PPFIBP2: variants seen among roughly 807,000 people sequenced by gnomAD.
PPFIBP2 encodes the protein liprin-beta-2.
In PPFIBP2, 118 loss-of-function variants were observed where a neutral mutation model predicts 118.3. The observed-to-expected ratio is 1.00, with a 90% CI of 0.86 to 1.16. The LOEUF (loss-of-function observed/expected upper bound fraction) is 1.16. Among genes scored for constraint, PPFIBP2 ranks in the 50% most tolerant of loss-of-function variants. PPFIBP2 has a pLI of 0.00. For missense variants in PPFIBP2, 1,195 were observed against 1,073.1 expected (o/e 1.11, Z -1.59); for synonymous variants, 414 against 397.4 (o/e 1.04, Z -0.50).
intron 3 of PPFIBP2, among the ~76,000 whole-genome samples, chr11:7,586,630 T>C (rs746128494): frequency 3.7e-4 from 56 of 152,330 alleles, no homozygotes; most frequent in Non-Finnish European, 5.6e-4. Context: ...GGTAACCTAC[T>C]TGAGATTACA....
chr11:7,539,824 C>A (rs1037329801), intron 1 of PPFIBP2, among the ~76,000 whole-genome samples: 1 of 152,138 alleles, frequency 6.6e-6, no homozygotes, highest in Non-Finnish European at 1.5e-5. Flanking sequence ...ACTGAAGAAG[C>A]CCCAAAAGCA....
chr11:7,613,090 C>CT (rs1197897305), intron 6 of PPFIBP2, among the ~76,000 whole-genome samples: 8 of 150,158 alleles, frequency 5.3e-5, no homozygotes, highest in South Asian at 4.2e-4. Flanking sequence ...AGGCAGGATT[C>CT]TTTTTTTTTT....
intron 17 of PPFIBP2, among the ~76,000 whole-genome samples, chr11:7,647,482 C>G (rs7928345): frequency 2.6e-5 from 4 of 152,050 alleles, no homozygotes; most frequent in Non-Finnish European, 4.4e-5. Flanking sequence ...TCCCCACCCC[C>G]GCAATCCCCA....
At chr11:7,632,983 C>T (rs1390258885) in intron 12 of PPFIBP2, 49 bp downstream of exon 12, 1 of 1,546,086 alleles carries the variant, frequency 6.5e-7, no homozygotes, top group Non-Finnish European at 8.9e-7. Context: ...TCAGGCTTGC[C>T]TTGGGGCTGC....
chr11:7,643,301 G>A (rs1177265234), intron 17 of PPFIBP2, among the ~76,000 whole-genome samples: 1 of 152,070 alleles, frequency 6.6e-6, no homozygotes, highest in Admixed American at 6.6e-5. Context: ...TTTAATTCTG[G>A]CTAGTTCTTG....
chr11:7,573,140 C>A (rs565169678), intron 3 of PPFIBP2, among the ~76,000 whole-genome samples: 2 of 152,266 alleles, frequency 1.3e-5, no homozygotes, highest in East Asian at 3.9e-4. Context: ...GTCCTGGGAC[C>A]AGTAGTACGA....
chr11:7,660,420 C>T (rs1197180006), downstream of PPFIBP2, among the ~76,000 whole-genome samples: 3 of 139,348 alleles, frequency 2.2e-5, no homozygotes, highest in East Asian at 3.9e-4. Context: ...GGTTTTTGTC[C>T]TTGGCTCTGT....
At chr11:7,618,885 G>GTTTTTT (rs36101082) in intron 6 of PPFIBP2, among the ~76,000 whole-genome samples, 5 of 124,544 alleles carry the variant, frequency 4.0e-5, no homozygotes, top group Non-Finnish European at 3.3e-5. Flanking sequence ...CCATCCAGAA[G>GTTTTTT]TTTTTTTTTT....
intron 5 of PPFIBP2, among the ~76,000 whole-genome samples, chr11:7,602,333 G>T (rs928311008): frequency 1.3e-5 from 2 of 152,180 alleles, no homozygotes; most frequent in African/African-American, 4.8e-5. Flanking sequence ...CGATGTTCTT[G>T]TGACTGCCTC....
chr11:7,514,389 T>G (rs1401806456), intron 1 of PPFIBP2, among the ~76,000 whole-genome samples: 1 of 152,188 alleles, frequency 6.6e-6, no homozygotes, highest in Non-Finnish European at 1.5e-5. Flanking sequence ...CCGCGGACAG[T>G]CCGCACTCCT....
intron 5 of PPFIBP2, chr11:7,597,922 C>T (rs1429830068): frequency 4.8e-6 from 2 of 418,870 alleles, no homozygotes; most frequent in Admixed American, 3.8e-5. Context: ...GACAGATTCC[C>T]AGACAGCACT....
chr11:7,634,036 C>T (rs888978085), intron 12 of PPFIBP2, among the ~76,000 whole-genome samples: 5 of 152,074 alleles, frequency 3.3e-5, no homozygotes, highest in Admixed American at 1.3e-4. Context: ...AGGGTCCTAG[C>T]AAGTGATGTT....
downstream of PPFIBP2, among the ~76,000 whole-genome samples, chr11:7,654,934 G>A (rs1448840358): frequency 6.6e-6 from 1 of 152,188 alleles, no homozygotes; most frequent in African/African-American, 2.4e-5. Flanking sequence ...AGTAGGTTTA[G>A]GGAAGGAGGA....
At chr11:7,551,213 A>G (rs1194570483) in intron 2 of PPFIBP2, among the ~76,000 whole-genome samples, 1 of 152,058 alleles carries the variant, frequency 6.6e-6, no homozygotes, top group African/African-American at 2.4e-5. Flanking sequence ...TCGGGGTCTC[A>G]CGTGCATTGG....
chr11:7,604,956 C>T (rs961186294), intron 5 of PPFIBP2, among the ~76,000 whole-genome samples: 4 of 152,206 alleles, frequency 2.6e-5, no homozygotes, highest in Non-Finnish European at 2.9e-5. Flanking sequence ...AGGAAGTTAC[C>T]GTAAGGTTTA....
At chr11:7,523,857 T>A (rs965038089) in intron 1 of PPFIBP2, among the ~76,000 whole-genome samples, 5 of 152,050 alleles carry the variant, frequency 3.3e-5, no homozygotes, top group African/African-American at 1.2e-4. Context: ...GGGATGCCAG[T>A]GAGGTGTGTT....
chr11:7,635,034 A>T (rs1251101487), intron 13 of PPFIBP2, among the ~76,000 whole-genome samples: 1 of 152,162 alleles, frequency 6.6e-6, no homozygotes, highest in East Asian at 1.9e-4. Context: ...AGCTGTTGTA[A>T]GAGTCTGGAA....
intron 1 of PPFIBP2, among the ~76,000 whole-genome samples, chr11:7,545,440 AAAAAC>A (rs1041783123): frequency 1.3e-4 from 20 of 152,230 alleles, no homozygotes; most frequent in Non-Finnish European, 1.8e-4. Flanking sequence ...AAACAAAAAC[AAAAAC>A]AAAACAAAAC....
intron 17 of PPFIBP2, among the ~76,000 whole-genome samples, chr11:7,645,934 AAATAT>A (rs1194668946): frequency 2.6e-5 from 4 of 152,364 alleles, no homozygotes; most frequent in African/African-American, 9.6e-5. Context: ...AATAAAAACC[AAATAT>A]AATATAAAAC....
Sources: allele counts gnomAD v4.1 joint callset (sites outside exome capture counted in the v4.1 genomes callset), GRCh38; gene constraint gnomAD v4.1.1; transcripts MANE v1.5; gene names NCBI Gene and HGNC (gene_info 2026-07-23, HGNC 2026-07-21).